The following TUBGCP6 variants were observed in gnomAD, a reference collection of about 807,000 sequenced individuals.
TUBGCP6 encodes tubulin gamma complex component 6.
A neutral mutation model predicts 175.8 loss-of-function variants in TUBGCP6; 161 were observed. The observed-to-expected ratio is 0.92, with a 90% CI of 0.81 to 1.04. The LOEUF (loss-of-function observed/expected upper bound fraction) is 1.04, where lower values mean the gene tolerates loss of function less well. Among genes scored for constraint, TUBGCP6 ranks in the 50% least tolerant of loss-of-function variants. TUBGCP6 has a pLI of 0.00. For missense variants in TUBGCP6, 2,572 were observed against 2,433.0 expected, an observed-to-expected ratio of 1.06 and a Z score of -1.20; for synonymous variants, 1,173 against 1,030.5, an observed-to-expected ratio of 1.14 and a Z score of -2.65.
chr22:50,226,469 G>A (rs1028667122), intron 7 of TUBGCP6, 91 bp from the exon 8 acceptor site: 7 of 1,241,236 alleles, frequency 5.6e-6, no homozygotes, highest in East Asian at 5.1e-5. Context: ...GGGCGTGGCT[G>A]TCAGTGAGGG....
intron 4 of TUBGCP6, among the ~76,000 whole-genome samples, chr22:50,228,232 TGGCCC>T (rs2064641324): frequency 6.6e-6 from 1 of 150,748 alleles, no homozygotes; most frequent in Non-Finnish European, 1.5e-5. Context: ...CCAGAAGCTG[TGGCCC>T]ACCACCAACC....
rs768751603 is a variant in TUBGCP6 at position 50,220,554 on chromosome 22, G to A, written c.3805C>T (p.His1269Tyr). 1.2e-6 allele frequency: 2 copies of A among 1,613,572 alleles called. No homozygotes were observed. The highest frequency in any genetic ancestry group is 8.5e-7 in the Non-Finnish European group (1 of 1,180,004). ...ATGTGGGGCGGAGGGATGGGTACAT[G>A]GGTGTTCCACCGTGGCCGGGTGGAA... ...VVSTRPRWNT[H>Y]VPIPPPHMVL... The change falls in exon 16 of 25, where the codon CAT becomes TAT. Residue 1269 changes from histidine to tyrosine, a missense_variant. His to Tyr is a moderately conservative substitution (Grantham distance 83, BLOSUM62 2). Coordinates refer to ENST00000248846, the MANE Select transcript of TUBGCP6 (RefSeq NM_020461.4).
chr22:50,229,074 A>C (rs886130133), intron 4 of TUBGCP6, among the ~76,000 whole-genome samples: 1 of 152,044 alleles, frequency 6.6e-6, no homozygotes, highest in Non-Finnish European at 1.5e-5. Flanking sequence ...AGTCATCCAC[A>C]ATGTGCCGGG....
At position 50,233,381 on chromosome 22, in the gene TUBGCP6, C is replaced by T. The variant is rs148478764; in HGVS notation, c.1051G>A (p.Glu351Lys). ...ACGTTCAGCACGTCTTTCACCAGCTCGCACTCCTTCACCAGCACGGGCTGC... is the reference window on the plus strand; with the variant it reads ...ACGTTCAGCACGTCTTTCACCAGCTTGCACTCCTTCACCAGCACGGGCTGC... ...APQPVLVKEC[E>K]LVKDVLNVLI... is the part of the protein sequence containing the mutation. The change falls in exon 3 of 25, where the codon GAG becomes AAG. Residue 351 changes from glutamate to lysine, a missense_variant. Transcript: ENST00000248846. 2.5e-5 allele frequency: 41 copies of T among 1,613,914 alleles called. No individual in the cohort carries two copies. The African/African-American group carries it at 4.3e-4, about 17-fold the overall frequency.
chr22:50,220,110 G>A (rs986685432), intron 16 of TUBGCP6, 95 bp from the exon 17 acceptor site: 5 of 1,553,474 alleles, frequency 3.2e-6, no homozygotes, highest in Non-Finnish European at 3.5e-6. Flanking sequence ...CCCCTCCCAT[G>A]TCCCCCACAG....
In TUBGCP6 at chr22:50,217,958, G is replaced by T; in HGVS notation, c.5328C>A (p.Ser1776=). 1 of 1,610,606 alleles carries T rather than the reference G, an allele frequency of 6.2e-7. No individual in the cohort carries two copies. The change falls in exon 24 of 25, where the codon TCC becomes TCA. Residue 1776 remains serine (S), a synonymous_variant. Coordinates refer to ENST00000248846, the MANE Select transcript of TUBGCP6 (RefSeq NM_020461.4). ...GGGAGTAGTACTTGAAGGTGTTGTA[G>T]GACTGCTGCATGAGTGCAAAGTTGG... ...EHPNFALMQQ[S]YNTFKYYSHF...
At position 50,225,827 on chromosome 22, in the gene TUBGCP6, C is replaced by G; in HGVS notation, c.1950G>C (p.Val650=). 6.2e-7 allele frequency: 1 copy of G among 1,613,700 alleles called. No homozygotes were observed. Residue 650 remains valine, a synonymous_variant, in exon 10 of 25, where the codon GTG becomes GTC. Coordinates refer to ENST00000248846, the MANE Select transcript of TUBGCP6 (RefSeq NM_020461.4). ...CCTTGCTGACAGAGCTGTGGCGGGC[C>G]ACCCTCTCCATGCGCCCAACGTAGA... ...CAVYVGRMER[V]ARHSSVSKEE...
In TUBGCP6 at chr22:50,220,652, C is replaced by T. The variant is rs763977994; in HGVS notation, c.3707G>A (p.Arg1236Gln). 3.7e-6 allele frequency: 6 copies of T among 1,608,838 alleles called. No individual in the cohort carries two copies. The highest frequency in any genetic ancestry group is 1.7e-5 in the Admixed American group (1 of 57,740). ...GTGTCCATGGGTGTTGCACCGTGACCGGATGGGAGCCACGTCCGATACGTT... is the reference window on the plus strand; with the variant it reads ...GTGTCCATGGGTGTTGCACCGTGACTGGATGGGAGCCACGTCCGATACGTT... ...GENVSDVAPI[R>Q]SRCNTHGHVS... Residue 1236 changes from arginine to glutamine, a missense_variant, in exon 16 of 25, where the codon CGG (arginine) becomes CAG (glutamine). Arg to Gln is a conservative substitution (Grantham distance 43, BLOSUM62 1). Coordinates refer to ENST00000248846, the MANE Select transcript of TUBGCP6 (RefSeq NM_020461.4).
intron 2 of TUBGCP6, among the ~76,000 whole-genome samples, chr22:50,234,339 A>G: frequency 7.9e-6 from 1 of 127,204 alleles, no homozygotes; most frequent in African/African-American, 3.1e-5. Context: ...CCACAGCAGC[A>G]TCCACACCCC....
chr22:50,235,175 C>G (rs1013440512), intron 2 of TUBGCP6, among the ~76,000 whole-genome samples: 2 of 47,748 alleles, frequency 4.2e-5, no homozygotes, highest in African/African-American at 2.3e-4. Flanking sequence ...AGCATCTACA[C>G]CCCTATTCAC....
Position 50,244,623 on chromosome 22 carries a change from CG to C in TUBGCP6, c.-165del. 8.1e-7 allele frequency: 1 copy of C among 1,236,970 alleles called. No individual in the cohort carries two copies. The highest frequency in any genetic ancestry group is 1.1e-6 in the Non-Finnish European group (1 of 920,480). 76.6% of individuals were successfully genotyped at this position (1,236,970 alleles called of 1,614,324 possible). ...CTGGTATTTTTTAAAGGAGGTCTTGCGGTTGCTCTACTCAGAGTAAACACGC... is the reference window on the plus strand; with the variant it reads ...CTGGTATTTTTTAAAGGAGGTCTTGCGTTGCTCTACTCAGAGTAAACACGC... On this transcript the variant is annotated 5_prime_UTR_variant, in exon 1 of 25. Transcript: ENST00000248846.
In TUBGCP6 at chr22:50,219,671, G is replaced by A. The variant is rs754895676; in HGVS notation, c.4288C>T (p.Arg1430Trp). 22 of 1,613,722 alleles carry A rather than the reference G, an allele frequency of 1.4e-5. No individual in the cohort carries two copies. Among genetic ancestry groups the A allele is most frequent in the South Asian group, 3.3e-5 (3 of 91,090 alleles). ...AGLAGQYHLERYPDSYESMSE... is the reference protein window; with the variant it reads ...AGLAGQYHLEWYPDSYESMSE... ...ATGGACTCGTAACTGTCCGGGTACC[G>A]CTCCAAGTGGTACTGCCCTGCCAGG... The change falls in exon 18 of 25, where the codon CGG (arginine) becomes TGG (tryptophan). Residue 1430 changes from arginine (R) to tryptophan (W), a missense_variant. Coordinates refer to ENST00000248846, the MANE Select transcript of TUBGCP6 (RefSeq NM_020461.4).
chr22:50,226,858 G>T lies in TUBGCP6; in HGVS notation c.1492-16C>A, dbSNP rs201446399. ...GCTTCACGCCCTGCAGACCGCAAAGGGGGTGGGGGGCAGCTCAGCGCACCC... is the reference window on the plus strand; with the variant it reads ...GCTTCACGCCCTGCAGACCGCAAAGTGGGTGGGGGGCAGCTCAGCGCACCC... On this transcript the variant is annotated splice_polypyrimidine_tract_variant and intron_variant, in intron 6 of 24. Coordinates refer to ENST00000248846, the MANE Select transcript of TUBGCP6 (RefSeq NM_020461.4). 3 of 1,568,748 alleles carry T rather than the reference G, an allele frequency of 1.9e-6. No homozygotes were observed. The highest frequency in any genetic ancestry group is 1.7e-6 in the Non-Finnish European group (2 of 1,156,350).
chr22:50,229,347 A>G, intron 4 of TUBGCP6, 57 bp downstream of exon 4: 3 of 1,574,058 alleles, frequency 1.9e-6, no homozygotes, highest in Non-Finnish European at 2.6e-6. Context: ...TCTCTCTTCC[A>G]GGTCGTGTGC....
rs1263050174 is a variant in TUBGCP6 at position 50,243,763 on chromosome 22, G to A, written c.697C>T (p.Pro233Ser). The A allele has an allele frequency of 1.2e-6, 2 of 1,613,630 alleles. No homozygotes were observed. Among genetic ancestry groups the A allele is most frequent in the Non-Finnish European group, 1.7e-6 (2 of 1,180,008 alleles). ...AGGTCCGCATTGTCTGGCACGGGGG[G>A]CAGGCCCAGTCGGACGTCCATGTCA... is the stretch of plus-strand genomic sequence containing the variant. ...TYDMDVRLGL[P>S]PVPDNADLSG... The change falls in exon 1 of 25, where the codon CCC (proline) becomes TCC (serine). Residue 233 changes from proline to serine, a missense_variant. By Grantham distance (74) the Pro-to-Ser change is moderately conservative (BLOSUM62 -1). Transcript: ENST00000248846.
chr22:50,229,601 G>T (rs1347009939), intron 3 of TUBGCP6, 24 bp from the exon 4 acceptor site: 15 of 1,564,398 alleles, frequency 9.6e-6, no homozygotes, highest in East Asian at 2.4e-5. Flanking sequence ...GAGGACACTG[G>T]TCACAGAGGC....
At position 50,217,753 on chromosome 22, in the gene TUBGCP6, A is replaced by T; in HGVS notation, c.5443T>A (p.Tyr1815Asn). The T allele has an allele frequency of 1.9e-6, 3 of 1,613,844 alleles. No individual in the cohort carries two copies. In the South Asian group the frequency reaches 3.3e-5, roughly 18 times the overall value. ...GAGCAGCCTCAGGCGTCCTGGTAGT[A>T]GTTGTTGAAGTTGATGCGCAGCAGA... Reference protein sequence around the residue: ...DFLLRINFNNYYQDA With the variant: ...DFLLRINFNNNYQDA Residue 1815 changes from tyrosine to asparagine, a missense_variant, in exon 25 of 25, where the codon TAC (tyrosine) becomes AAC (asparagine). Physicochemically the swap from Tyr to Asn is moderately radical, Grantham distance 143. Coordinates refer to ENST00000248846, the MANE Select transcript of TUBGCP6 (RefSeq NM_020461.4).
chr22:50,244,531 A>T lies in TUBGCP6; in HGVS notation c.-72T>A. 6.7e-7 allele frequency: 1 copy of T among 1,497,454 alleles called. No homozygotes were observed. The highest frequency in any genetic ancestry group is 1.3e-5 in the South Asian group (1 of 77,084). The allele number at this position is 1,497,454 out of a possible 1,614,324, so 92.8% of individuals were successfully genotyped here. ...CCGGGCTTCACTCACGCTCCGGAAG[A>T]CAGGGAGTGAGAGAGGGTCCGAAGA... On this transcript the variant is annotated 5_prime_UTR_variant, in exon 1 of 25. Transcript: ENST00000248846.
At chr22:50,236,945 A>AG (rs1199561105) in intron 2 of TUBGCP6, among the ~76,000 whole-genome samples, 1 of 152,118 alleles carries the variant, frequency 6.6e-6, no homozygotes, top group Non-Finnish European at 1.5e-5. Flanking sequence ...CTCAGAACTG[A>AG]GGGAAAAAAA....
Sources: allele counts gnomAD v4.1 joint callset (sites outside exome capture counted in the v4.1 genomes callset), GRCh38; gene constraint gnomAD v4.1.1; transcripts MANE v1.5; gene names NCBI Gene and HGNC (gene_info 2026-07-23, HGNC 2026-07-21).